TRPM3: variants seen among roughly 807,000 people sequenced by gnomAD.
The protein encoded by TRPM3 is long transient receptor potential channel 3.
A neutral mutation model predicts 181.2 loss-of-function variants in TRPM3; 77 were observed. The observed-to-expected ratio is 0.42, with a 90% CI of 0.35 to 0.51. The LOEUF (loss-of-function observed/expected upper bound fraction) is 0.51. Among genes scored for constraint, TRPM3 ranks in the 20% least tolerant of loss-of-function variants. The pLI is 0.01. For synonymous variants in TRPM3, 745 were observed against 796.4 expected, an observed-to-expected ratio of 0.94 and a Z score of 1.09; for missense variants, 1,759 against 2,196.7, an observed-to-expected ratio of 0.80 and a Z score of 3.98.
At chr9:70,593,737 C>T (rs2058512706) in intron 21 of TRPM3, among the ~76,000 whole-genome samples, 1 of 151,296 alleles carries the variant, frequency 6.6e-6, no homozygotes, top group South Asian at 2.1e-4. Context: ...GGGCTGGCCT[C>T]CTTTTTTAAA....
intron 1 of TRPM3, among the ~76,000 whole-genome samples, chr9:70,898,146 G>A (rs1032128455): frequency 2.0e-5 from 3 of 151,006 alleles, no homozygotes; most frequent in Non-Finnish European, 4.4e-5. Context: ...GCTGGGGGAC[G>A]GAGTCTGGCT....
intron 6 of TRPM3, among the ~76,000 whole-genome samples, chr9:70,820,875 T>C (rs1461903838): frequency 1.3e-5 from 2 of 152,158 alleles, no homozygotes; most frequent in African/African-American, 4.8e-5. Context: ...TGTTACTTTA[T>C]GTCACTAGCA....
intron 1 of TRPM3, among the ~76,000 whole-genome samples, chr9:71,139,638 G>GA (rs1247655486): frequency 7.2e-5 from 11 of 152,094 alleles, no homozygotes; most frequent in African/African-American, 2.7e-4. Context: ...ACTTACATTA[G>GA]AATTATTTTG....
chr9:70,860,059 G>A (rs1006141536), intron 3 of TRPM3, among the ~76,000 whole-genome samples: 3 of 152,176 alleles, frequency 2.0e-5, no homozygotes, highest in Non-Finnish European at 4.4e-5. Flanking sequence ...GGACTCCTGG[G>A]AAGTAAAGGA....
At chr9:71,391,503 T>C (rs976595307) in intron 1 of TRPM3, among the ~76,000 whole-genome samples, 1 of 152,058 alleles carries the variant, frequency 6.6e-6, no homozygotes, top group Non-Finnish European at 1.5e-5. Flanking sequence ...ATTCTTCATA[T>C]GCCCAGATTA....
At chr9:71,441,877 C>T (rs891092076) in intron 1 of TRPM3, among the ~76,000 whole-genome samples, 8 of 152,104 alleles carry the variant, frequency 5.3e-5, no homozygotes, top group African/African-American at 9.7e-5. Flanking sequence ...GTGATCCACC[C>T]GCCTCGGCCT....
Position 70,536,827 on chromosome 9 carries a change from A to G in TRPM3, c.4286T>C (p.Leu1429Pro). ...MDELHCDIDP[L>P]DNSVNILGLG... ...CCCAAGGATGTTCACGGAATTGTCC[A>G]GAGGGTCTATATCACAGTGGAGCTC... Residue 1429 changes from leucine (L) to proline (P), a missense_variant, in exon 26 of 26, where the codon CTG (leucine) becomes CCG (proline). Physicochemically the swap from Leu to Pro is moderately conservative, Grantham distance 98 (BLOSUM62 -3). Coordinates refer to ENST00000677713, the MANE Select transcript of TRPM3 (RefSeq NM_001366145.2). 1 of 1,614,168 alleles carries G rather than the reference A, an allele frequency of 6.2e-7. No homozygotes were observed. The highest frequency in any genetic ancestry group is 8.5e-7 in the Non-Finnish European group (1 of 1,180,030).
chr9:71,259,375 A>G (rs1419647160), intron 1 of TRPM3, among the ~76,000 whole-genome samples: 1 of 152,174 alleles, frequency 6.6e-6, no homozygotes, highest in East Asian at 1.9e-4. Context: ...GTGTCTTTAT[A>G]GAATAATTTA....
chr9:71,279,034 T>TAAAAAAAAAAAAAAA (rs200421016), intron 1 of TRPM3, among the ~76,000 whole-genome samples: 3 of 47,490 alleles, frequency 6.3e-5, no homozygotes, highest in African/African-American at 3.1e-4. Context: ...CCTGCTTAGG[T>TAAAAAAAAAAAAAAA]TAAAAAAAAT....
intron 1 of TRPM3, among the ~76,000 whole-genome samples, chr9:71,243,042 GTGTTT>G (rs2081809926): frequency 6.6e-6 from 1 of 152,024 alleles, no homozygotes; most frequent in South Asian, 2.1e-4. Flanking sequence ...CACCTGTTTT[GTGTTT>G]TGTTTTGTTT....
At chr9:70,813,459 C>T (rs2131452231) in intron 6 of TRPM3, among the ~76,000 whole-genome samples, 1 of 152,180 alleles carries the variant, frequency 6.6e-6, no homozygotes, top group South Asian at 2.1e-4. Flanking sequence ...TAAGTGGGGG[C>T]TAAATCTTGG....
intron 1 of TRPM3, among the ~76,000 whole-genome samples, chr9:71,426,829 A>G (rs1222629312): frequency 6.6e-6 from 1 of 152,176 alleles, no homozygotes; most frequent in South Asian, 2.1e-4. Flanking sequence ...GACCAAAAAA[A>G]AAAAATTCAG....
At chr9:70,961,028 T>C (rs1012736021) in intron 1 of TRPM3, among the ~76,000 whole-genome samples, 2 of 152,170 alleles carry the variant, frequency 1.3e-5, no homozygotes, top group Non-Finnish European at 2.9e-5. Context: ...TATGTTATCT[T>C]ACATGGCAAG....
At chr9:71,332,256 C>A (rs1025392769) in intron 1 of TRPM3, among the ~76,000 whole-genome samples, 1 of 151,626 alleles carries the variant, frequency 6.6e-6, no homozygotes, top group Non-Finnish European at 1.5e-5. Context: ...GAAAAACAAG[C>A]TTTTATTCCA....
chr9:71,198,461 G>T (rs1473378418), intron 1 of TRPM3, among the ~76,000 whole-genome samples: 3 of 152,108 alleles, frequency 2.0e-5, no homozygotes, highest in African/African-American at 7.2e-5. Context: ...ATTACCTTGG[G>T]CAGTATGGCC....
At chr9:70,939,195 A>G (rs939159598) in intron 1 of TRPM3, among the ~76,000 whole-genome samples, 1 of 152,114 alleles carries the variant, frequency 6.6e-6, no homozygotes, top group African/African-American at 2.4e-5. Flanking sequence ...AACAAGAATG[A>G]GCTTTGTTTC....
At chr9:71,370,489 C>T (rs961544601) in intron 1 of TRPM3, among the ~76,000 whole-genome samples, 2 of 151,740 alleles carry the variant, frequency 1.3e-5, no homozygotes, top group Non-Finnish European at 2.9e-5. Flanking sequence ...AAAAAAAAAT[C>T]AAACCAGCCA....
At chr9:70,582,304 C>T (rs933430611) in intron 22 of TRPM3, among the ~76,000 whole-genome samples, 7 of 152,116 alleles carry the variant, frequency 4.6e-5, no homozygotes, top group Non-Finnish European at 8.8e-5. Context: ...ACTGACATTT[C>T]TGACACTTCA....
At chr9:71,287,828 G>A (rs1463725335) in intron 1 of TRPM3, among the ~76,000 whole-genome samples, 1 of 152,136 alleles carries the variant, frequency 6.6e-6, no homozygotes, top group Non-Finnish European at 1.5e-5. Context: ...TGCGCCCGAT[G>A]TCACATACGC....
Sources: gnomAD v4.1 joint callset for allele counts (sites outside exome capture counted in the v4.1 genomes callset) on GRCh38, gnomAD v4.1.1 for gene constraint, MANE v1.5 for transcripts, NCBI Gene and HGNC (gene_info 2026-07-23, HGNC 2026-07-21) for gene names.